Variants in MARK4 observed in about 807,000 individuals in gnomAD.
MARK4 encodes the protein MAP/microtubule affinity-regulating kinase 4.
MARK4 carries 19 observed loss-of-function variants against 81.5 expected under a neutral mutation model. That is an observed-to-expected ratio of 0.23 (90% CI 0.16 to 0.34). The LOEUF is 0.34. Ranked by LOEUF, MARK4 falls within the 10% of genes least tolerant of loss-of-function variation. The probability of loss-of-function intolerance (pLI) is 1.00; values close to 1 mark genes in which losing one functional copy is unlikely to be tolerated. For synonymous variants in MARK4, 436 were observed against 439.0 expected (o/e 0.99, Z 0.08); for missense variants, 772 against 1,058.8 (o/e 0.73, Z 3.76).
In MARK4 at chr19:45,265,527, G is replaced by A. The variant is rs547964756; in HGVS notation, c.492+617G>A. 4.0e-5 allele frequency among the ~76,000 whole-genome samples: 6 copies of A among 151,286 alleles called. No individual in the cohort carries two copies. The East Asian group carries it at 9.8e-4, about 25-fold the overall frequency. The stretch of plus-strand genomic sequence containing the variant: ...GGGGCCAGGTGTGGAGTAAGAGGAC[G>A]TGCAGGTGTGAGGGTGCCCAGGTAT... On this transcript the variant is annotated intron_variant, in intron 6 of 16. Coordinates refer to ENST00000262891, the MANE Select transcript of MARK4 (RefSeq NM_001199867.2).
chr19:45,300,622 A>G (rs892961777), intron 16 of MARK4, among the ~76,000 whole-genome samples: 13 of 152,170 alleles, frequency 8.5e-5, no homozygotes, highest in African/African-American at 2.9e-4. Flanking sequence ...CAGTGTTCCA[A>G]TGAAACTTTA....
chr19:45,302,199 G>A lies in MARK4; in HGVS notation c.1923-175G>A, dbSNP rs372817338. Among the ~76,000 whole-genome samples the A allele has an allele frequency of 6.6e-6, 1 of 152,224 alleles. No homozygotes were observed. Among genetic ancestry groups the A allele is most frequent in the African/African-American group, 2.4e-5 (1 of 41,456 alleles). ...GTTGCAAGGGAGGCTGGAAAGTGTG[G>A]TCTCTAGCTGGGCAGCTCTGTATCC... On this transcript the variant is annotated intron_variant, in intron 16 of 16. Transcript: ENST00000262891. This position sits in a 1 kb window ranked among gnomAD's most constrained non-coding sequence, Gnocchi z 4.9.
chr19:45,297,134 A>T (rs1458918140), intron 14 of MARK4, among the ~76,000 whole-genome samples: 1 of 151,654 alleles, frequency 6.6e-6, no homozygotes, highest in Non-Finnish European at 1.5e-5. Context: ...AGGAGAATTG[A>T]ACTCAGGAGA....
chr19:45,294,638 T>C (rs1970863356), intron 14 of MARK4, among the ~76,000 whole-genome samples, 186 bp downstream of exon 14: 8 of 152,120 alleles, frequency 5.3e-5, no homozygotes, highest in Admixed American at 5.2e-4. Flanking sequence ...CTTAATTAAT[T>C]AGTCTTAAGC....
At chr19:45,254,283 G>A (rs562709089) in intron 1 of MARK4, among the ~76,000 whole-genome samples, 197 of 152,290 alleles carry the variant, frequency 1.3e-3, no homozygotes, top group South Asian at 3.7e-3. Flanking sequence ...CAGGGGCTTT[G>A]TCACCCACTG....
intron 2 of MARK4, 116 bp downstream of exon 2, chr19:45,259,305 C>T: frequency 8.8e-7 from 1 of 1,130,962 alleles, no homozygotes; most frequent in Non-Finnish European, 1.2e-6. Context: ...CAGGTAAGTT[C>T]CCGACTCTCT....
chr19:45,266,394 TCTC>T lies in MARK4; in HGVS notation c.549+119_549+121del, dbSNP rs1039662746. The T allele has an allele frequency of 2.1e-5, 21 of 987,934 alleles. No individual in the cohort carries two copies. In the African/African-American group the frequency reaches 2.7e-4, roughly 13 times the overall value. 61.2% of individuals were successfully genotyped at this position (987,934 alleles called of 1,614,324 possible). A position where few individuals can be genotyped will look rare whatever the true frequency, so the allele number is the denominator to read the frequency against. ...CTCCAGCAAATTCCTCCAGCCCTTTTCTCCTCCTGCTCTTCCCTCCACACCCAG... is the reference window on the plus strand; with the variant it reads ...CTCCAGCAAATTCCTCCAGCCCTTTTCTCCTGCTCTTCCCTCCACACCCAG... On this transcript the variant is annotated intron_variant, in intron 7 of 16. Transcript: ENST00000262891.
At chr19:45,285,494 A>C (rs1249088922) in intron 12 of MARK4, among the ~76,000 whole-genome samples, 1 of 152,174 alleles carries the variant, frequency 6.6e-6, no homozygotes, top group African/African-American at 2.4e-5. Flanking sequence ...TCTGAGACCC[A>C]GCATGAGCCC....
Position 45,271,330 on chromosome 19 carries a change from G to A in MARK4, c.550-142G>A. 1 of 745,778 alleles carries A rather than the reference G, an allele frequency of 1.3e-6. No homozygotes were observed. The highest frequency in any genetic ancestry group is 1.7e-5 in the South Asian group (1 of 59,092). 46.2% of individuals were successfully genotyped at this position (745,778 alleles called of 1,614,324 possible). On this transcript the variant is annotated intron_variant, in intron 7 of 16. Transcript: ENST00000262891. The surrounding 1 kb of genome is among the most constrained non-coding windows in gnomAD (Gnocchi z 4.1). Reference sequence around the variant, plus strand: ...TCAGTGAGGTAAAGTTACTACCTAAGGTCAGGTAGAGAGTAAAGGACAGGC... The same window carrying A: ...TCAGTGAGGTAAAGTTACTACCTAAAGTCAGGTAGAGAGTAAAGGACAGGC...
chr19:45,273,350 CT>C (rs1302299094), intron 8 of MARK4, among the ~76,000 whole-genome samples: 1 of 152,152 alleles, frequency 6.6e-6, no homozygotes, highest in Non-Finnish European at 1.5e-5. Flanking sequence ...ACGCTGTGTC[CT>C]TTTATCCCTA....
intron 7 of MARK4, among the ~76,000 whole-genome samples, chr19:45,269,804 C>T (rs1220986741): frequency 2.0e-5 from 3 of 151,784 alleles, no homozygotes; most frequent in Admixed American, 6.6e-5. Flanking sequence ...GACCGCATGC[C>T]GCAAAAAAAT....
Position 45,263,932 on chromosome 19 carries a change from G to A in MARK4, c.355+565G>A, listed in dbSNP as rs572262087. The stretch of plus-strand genomic sequence containing the variant: ...TGATGCATCCAAAATGCTTAGTTTG[G>A]GCTGAGCTATGGGACTTGGTCCAGT... On this transcript the variant is annotated intron_variant, in intron 4 of 16. Coordinates refer to ENST00000262891, the MANE Select transcript of MARK4 (RefSeq NM_001199867.2). Among the ~76,000 whole-genome samples the A allele has an allele frequency of 1.2e-4, 18 of 151,798 alleles. No individual in the cohort carries two copies. In the South Asian group the frequency reaches 3.7e-3, roughly 32 times the overall value.
chr19:45,257,689 ATTTT>A (rs71173133), intron 1 of MARK4, among the ~76,000 whole-genome samples: 6 of 86,142 alleles, frequency 7.0e-5, no homozygotes, highest in Non-Finnish European at 7.6e-5. Context: ...GGCCCATAAT[ATTTT>A]TTTTTTTTTT....
chr19:45,277,618 T>G (rs1232020252), intron 8 of MARK4, among the ~76,000 whole-genome samples: 1 of 151,876 alleles, frequency 6.6e-6, no homozygotes, highest in Non-Finnish European at 1.5e-5. Context: ...AGGCTGTTCT[T>G]GAACTCCTGG....
chr19:45,299,296 C>T lies in MARK4; in HGVS notation c.1878-515C>T, dbSNP rs917024750. ...AAAAACAAAAAGCAGATGTGGCACG[C>T]GCCTGTAGTCCCAGCTACTTCAGGG... is the stretch of plus-strand genomic sequence containing the variant. On this transcript the variant is annotated intron_variant, in intron 15 of 16. Transcript: ENST00000262891. Among the ~76,000 whole-genome samples the T allele has an allele frequency of 1.1e-4, 16 of 152,120 alleles. No individual in the cohort carries two copies. The East Asian group carries it at 2.3e-3, about 22-fold the overall frequency.
chr19:45,273,164 T>A (rs1970552836), intron 8 of MARK4, among the ~76,000 whole-genome samples: 1 of 151,982 alleles, frequency 6.6e-6, no homozygotes, highest in South Asian at 2.1e-4. Context: ...AACTTTTTAT[T>A]TTGAACGATT....
Position 45,288,865 on chromosome 19 carries a change from A to AAT in MARK4, c.1494+1202_1494+1203insTA, listed in dbSNP as rs1970784516. On this transcript the variant is annotated intron_variant, in intron 13 of 16. Coordinates refer to ENST00000262891, the MANE Select transcript of MARK4 (RefSeq NM_001199867.2). ...ACTCTGTCTCAAAAAAAAAAAAAAA[A>AAT]AAGTCGTGGGAAGCAGCAGCAGCTT... Among the ~76,000 whole-genome samples, 6 of 151,070 alleles carry AAT rather than the reference A, an allele frequency of 4.0e-5. No individual in the cohort carries two copies. In the South Asian group the frequency reaches 1.3e-3, roughly 32 times the overall value.
intron 13 of MARK4, 34 bp from the exon 14 acceptor site, chr19:45,294,315 C>A (rs779608187): frequency 1.3e-6 from 2 of 1,597,098 alleles, no homozygotes; most frequent in Admixed American, 1.7e-5. Flanking sequence ...ATGTCTTCAC[C>A]CCCTCACTCC....
intron 1 of MARK4, among the ~76,000 whole-genome samples, chr19:45,253,588 G>T (rs1213315131): frequency 6.6e-6 from 1 of 152,314 alleles, no homozygotes; most frequent in African/African-American, 2.4e-5. Flanking sequence ...CAGACAGCCC[G>T]TGGATTCTCA....
Sources: allele counts gnomAD v4.1 joint callset (sites outside exome capture counted in the v4.1 genomes callset), GRCh38; gene constraint gnomAD v4.1.1; non-coding constraint Gnocchi (gnomAD v3.1); transcripts MANE v1.5; gene names NCBI Gene and HGNC (gene_info 2026-07-23, HGNC 2026-07-21).